The following ANKRD46 variants were observed in gnomAD, a reference collection of about 807,000 sequenced individuals.
ANKRD46 encodes the protein ankyrin repeat domain-containing protein 46.
ANKRD46 carries 13 observed loss-of-function variants against 19.8 expected under a neutral mutation model. The ratio of observed to expected loss-of-function variants is 0.66; its 90% CI spans 0.43 to 1.04. The LOEUF (loss-of-function observed/expected upper bound fraction) is 1.04. ANKRD46 is among the 50% of genes least tolerant of loss of function. The pLI is 0.00. For synonymous variants in ANKRD46, 91 were observed against 106.9 expected (o/e 0.85, Z 0.92); for missense variants, 185 against 274.8 (o/e 0.67, Z 2.31).
At chr8:100,518,196 A>T (rs1811664464), downstream of ANKRD46, among the ~76,000 whole-genome samples, 1 of 152,198 alleles carries the variant, frequency 6.6e-6, no homozygotes, top group Non-Finnish European at 1.5e-5. Flanking sequence ...GTCTTAAAAA[A>T]GATTAAATAA....
At position 100,524,027 on chromosome 8, in the gene ANKRD46, T is replaced by A. The variant is rs998011388; in HGVS notation, c.471-1256A>T. Reference sequence around the variant, plus strand: ...TAAGACAGAATATGTTCATTTCTCTTCTGCATAAAGGCTAGTCTAGTTGAA... The same window carrying A: ...TAAGACAGAATATGTTCATTTCTCTACTGCATAAAGGCTAGTCTAGTTGAA... On this transcript the variant is annotated intron_variant, in intron 4 of 4. Transcript: ENST00000335659. This position sits in a 1 kb window ranked among gnomAD's most constrained non-coding sequence, Gnocchi z 4.3. Among the ~76,000 whole-genome samples, 1 of 152,214 alleles carries A rather than the reference T, an allele frequency of 6.6e-6. No individual in the cohort carries two copies. Among genetic ancestry groups the A allele is most frequent in the African/African-American group, 2.4e-5 (1 of 41,454 alleles).
chr8:100,554,151 GTGTATATCTCCTGCTTA>G (rs1325476477), intron 1 of ANKRD46, among the ~76,000 whole-genome samples: 1 of 152,174 alleles, frequency 6.6e-6, no homozygotes, highest in Non-Finnish European at 1.5e-5. Context: ...AATCAAATTG[GTGTATATCTCCTGCTTA>G]TTCAACATGT....
chr8:100,517,224 C>T (rs1811648950), downstream of ANKRD46, among the ~76,000 whole-genome samples: 1 of 152,204 alleles, frequency 6.6e-6, no homozygotes, highest in South Asian at 2.1e-4. Flanking sequence ...AAGGCGGTTT[C>T]TACAACAGTG....
At position 100,543,735 on chromosome 8, in the gene ANKRD46, A is replaced by G. The variant is rs1812219819; in HGVS notation, c.-130-10424T>C. ...AAACTGTAGAGAAGTATAAGAAAAG[A>G]CACACAAAAACAAATTAAAGGCAAA... On this transcript the variant is annotated intron_variant, in intron 1 of 4. Transcript: ENST00000335659. The surrounding 1 kb of genome is among the most constrained non-coding windows in gnomAD (Gnocchi z 4.2). Among the ~76,000 whole-genome samples, 4 of 152,202 alleles carry G rather than the reference A, an allele frequency of 2.6e-5. No homozygotes were observed.
chr8:100,550,346 TTTAG>T lies in ANKRD46; in HGVS notation c.-131+9361_-131+9364del, dbSNP rs1258429236. On this transcript the variant is annotated intron_variant, in intron 1 of 4. Transcript: ENST00000335659. This position sits in a 1 kb window ranked among gnomAD's most constrained non-coding sequence, Gnocchi z 4.4. Reference sequence around the variant, plus strand: ...ATTTGGTGTTGTCAGCGTTCTAGATTTTAGTTAGCCATTTTAGTAAGTGTGTAGT... The same window carrying T: ...ATTTGGTGTTGTCAGCGTTCTAGATTTTAGCCATTTTAGTAAGTGTGTAGT... 6.6e-6 allele frequency among the ~76,000 whole-genome samples: 1 copy of T among 152,182 alleles called. No homozygotes were observed. The highest frequency in any genetic ancestry group is 1.5e-5 in the Non-Finnish European group (1 of 68,032).
Position 100,510,404 on chromosome 8 carries a change from G to T in ANKRD46, c.*173C>A. 1.9e-6 allele frequency: 1 copy of T among 529,392 alleles called. No individual in the cohort carries two copies. Among genetic ancestry groups the T allele is most frequent in the South Asian group, 4.1e-5 (1 of 24,420 alleles). The allele number at this position is 529,392 out of a possible 1,614,324, so 32.8% of individuals were successfully genotyped here. ...GGGCTGCCTGCAGGGCAGGACTGGA[G>T]AGGAGGGGACAGGTGGTAGCAGGTC... On this transcript the variant is annotated 3_prime_UTR_variant, in exon 6 of 6. Coordinates refer to the ANKRD46 transcript ENST00000520552. This position sits in a 1 kb window ranked among gnomAD's most constrained non-coding sequence, Gnocchi z 4.9.
chr8:100,549,118 T>C (rs1325260984), intron 1 of ANKRD46, among the ~76,000 whole-genome samples: 4 of 5,366 alleles, frequency 7.5e-4, no homozygotes, highest in African/African-American at 3.1e-3. Context: ...ATTAATGCTG[T>C]TTTTTTTTTT....
chr8:100,551,097 A>T (rs1241649924), intron 1 of ANKRD46: 3 of 504,436 alleles, frequency 5.9e-6, no homozygotes, highest in African/African-American at 5.8e-5. Flanking sequence ...CAGTAGATGC[A>T]GGGATGATGT....
At chr8:100,547,763 T>C (rs1033426463) in intron 1 of ANKRD46, among the ~76,000 whole-genome samples, 2 of 152,252 alleles carry the variant, frequency 1.3e-5, no homozygotes, top group African/African-American at 4.8e-5. Context: ...CTCCTGACAG[T>C]GAATCAGACA....
chr8:100,510,750 C>T lies in ANKRD46; in HGVS notation c.637-111G>A. The T allele has an allele frequency of 2.0e-6, 2 of 997,250 alleles. No individual in the cohort carries two copies. Among genetic ancestry groups the T allele is most frequent in the Non-Finnish European group, 1.4e-6 (1 of 700,808 alleles). 61.8% of individuals were successfully genotyped at this position (997,250 alleles called of 1,614,324 possible). On this transcript the variant is annotated intron_variant, in intron 5 of 5. Coordinates refer to the ANKRD46 transcript ENST00000520552. The surrounding 1 kb of genome is among the most constrained non-coding windows in gnomAD (Gnocchi z 4.9). The stretch of plus-strand genomic sequence containing the variant: ...CATAAATATATAGAACCAGAAAGCA[C>T]AGGCTTGCTTCTCCTCTGCCCATCT...
intron 1 of ANKRD46, among the ~76,000 whole-genome samples, chr8:100,540,225 A>G (rs899520813): frequency 2.6e-5 from 4 of 151,912 alleles, no homozygotes; most frequent in East Asian, 3.8e-4. Context: ...AGTTTGTTTC[A>G]TAAGATTTTT....
In ANKRD46 at chr8:100,522,544, C is replaced by T; in HGVS notation, c.*11G>A. On this transcript the variant is annotated 3_prime_UTR_variant, in exon 5 of 5. Transcript: ENST00000335659. The stretch of plus-strand genomic sequence containing the variant: ...ACAGGCAATTAATTGCCTCATCTTC[C>T]ATGAGCTCCTTTAATGCACCAGTTC... 2 of 1,613,656 alleles carry T rather than the reference C, an allele frequency of 1.2e-6. No individual in the cohort carries two copies. Among genetic ancestry groups the T allele is most frequent in the Non-Finnish European group, 1.7e-6 (2 of 1,179,746 alleles).
At chr8:100,542,718 T>G (rs1812198701) in intron 1 of ANKRD46, among the ~76,000 whole-genome samples, 1 of 152,084 alleles carries the variant, frequency 6.6e-6, no homozygotes, top group Non-Finnish European at 1.5e-5. Context: ...TTTTCTAGCC[T>G]AGTTCATGAG....
In ANKRD46 at chr8:100,522,131, T is replaced by C; in HGVS notation, c.*424A>G. On this transcript the variant is annotated 3_prime_UTR_variant, in exon 5 of 5. Coordinates refer to ENST00000335659, the MANE Select transcript of ANKRD46 (RefSeq NM_001270377.2). The stretch of plus-strand genomic sequence containing the variant: ...GAGAAAGTAAATAAAAAGTGGCTCT[T>C]GCAAAAATAAATGAAAACAAAACCA... 2 of 990,748 alleles carry C rather than the reference T, an allele frequency of 2.0e-6. No homozygotes were observed. The highest frequency in any genetic ancestry group is 2.4e-6 in the Non-Finnish European group (2 of 832,956). The allele number at this position is 990,748 out of a possible 1,614,324, so 61.4% of individuals were successfully genotyped here.
Position 100,532,902 on chromosome 8 carries a change from T to C in ANKRD46, c.-28+307A>G, listed in dbSNP as rs1811993688. ...TTTTGGTTAAATTTTTAAAAATAGA[T>C]AATTTAAAAAATCTAGTTGGTGTTT... is the stretch of plus-strand genomic sequence containing the variant. On this transcript the variant is annotated intron_variant, in intron 2 of 4. Coordinates refer to ENST00000335659, the MANE Select transcript of ANKRD46 (RefSeq NM_001270377.2). This position sits in a 1 kb window ranked among gnomAD's most constrained non-coding sequence, Gnocchi z 4.7. Among the ~76,000 whole-genome samples the C allele has an allele frequency of 6.6e-6, 1 of 152,230 alleles. No individual in the cohort carries two copies. Among genetic ancestry groups the C allele is most frequent in the Admixed American group, 6.5e-5 (1 of 15,286 alleles).
chr8:100,529,655 A>C lies in ANKRD46; in HGVS notation c.179T>G (p.Ile60Ser), dbSNP rs770546431. The change falls in exon 3 of 5, where the codon ATC becomes AGC. Residue 60 changes from isoleucine (I) to serine (S), a missense_variant. By Grantham distance (142) the Ile-to-Ser change is moderately radical. Coordinates refer to ENST00000335659, the MANE Select transcript of ANKRD46 (RefSeq NM_001270377.2). This position sits in a 1 kb window ranked among gnomAD's most constrained non-coding sequence, Gnocchi z 5.8. ...HLAAARGNVDICQLLHKFGAD... is the reference protein window; with the variant it reads ...HLAAARGNVDSCQLLHKFGAD... ...ACCGAATTTATGCAGTAACTGGCAG[A>C]TGTCTACATTCCCTCGAGCTGCTGC... 3.7e-6 allele frequency: 6 copies of C among 1,614,150 alleles called. No homozygotes were observed. In the Admixed American group the frequency reaches 5.0e-5, roughly 13 times the overall value.
chr8:100,526,046 G>C (rs1444766160), intron 4 of ANKRD46, among the ~76,000 whole-genome samples: 1 of 152,102 alleles, frequency 6.6e-6, no homozygotes, highest in African/African-American at 2.4e-5. Flanking sequence ...TGACACTGAG[G>C]GGTAGGAGTA....
At chr8:100,538,324 A>G (rs1812105317) in intron 1 of ANKRD46, among the ~76,000 whole-genome samples, 1 of 152,246 alleles carries the variant, frequency 6.6e-6, no homozygotes, top group Non-Finnish European at 1.5e-5. Context: ...ATATTTGGGG[A>G]AAAAAATTGC....
At chr8:100,558,655 A>C (rs978700701) in intron 1 of ANKRD46, among the ~76,000 whole-genome samples, 1 of 152,184 alleles carries the variant, frequency 6.6e-6, no homozygotes, top group Non-Finnish European at 1.5e-5. Flanking sequence ...CAGGCTACAA[A>C]TCTAATTGAT....
Sources: gnomAD v4.1 joint callset for allele counts (sites outside exome capture counted in the v4.1 genomes callset) on GRCh38, gnomAD v4.1.1 for gene constraint, Gnocchi (gnomAD v3.1) non-coding constraint, MANE v1.5 for transcripts, NCBI Gene and HGNC (gene_info 2026-07-23, HGNC 2026-07-21) for gene names.